The following C11orf65 variants were observed in gnomAD, a reference collection of about 807,000 sequenced individuals.
C11orf65 encodes the protein chromosome 11 open reading frame 65, also known as protein MFI.
In C11orf65, 38 loss-of-function variants were observed where a neutral mutation model predicts 35.3. That is an observed-to-expected ratio of 1.08 (90% CI 0.83 to 1.41). The LOEUF (loss-of-function observed/expected upper bound fraction) is 1.41, where lower values mean the gene tolerates loss of function less well. Ranked by LOEUF, C11orf65 falls within the 40% of genes most tolerant of loss-of-function variation. The pLI is 0.00. For missense variants in C11orf65, 370 were observed against 367.1 expected, an observed-to-expected ratio of 1.01 and a Z score of -0.06; for synonymous variants, 105 against 114.4, an observed-to-expected ratio of 0.92 and a Z score of 0.53.
At chr11:108,445,316 G>T (rs1052220106) in intron 2 of C11orf65, among the ~76,000 whole-genome samples, 2 of 152,144 alleles carry the variant, frequency 1.3e-5, no homozygotes, top group Admixed American at 6.5e-5. Context: ...CCTCAAGTGG[G>T]TCCCTGACCC....
chr11:108,462,991 T>C (rs1050025165), intron 1 of C11orf65, among the ~76,000 whole-genome samples: 18 of 152,104 alleles, frequency 1.2e-4, no homozygotes, highest in Admixed American at 3.9e-4. Context: ...GCTGGGCAGG[T>C]TGGCACATAC....
rs1213878969 is a variant in C11orf65 at position 108,408,704 on chromosome 11, A to AAAAT, written c.175-1559_175-1556dup. On this transcript the variant is annotated intron_variant, in intron 3 of 8. Transcript: ENST00000393084. ...AAAATAAAATAAAATAAAATAAAATAAAATAAAATAAAATAAAATAAAATA... is the reference window on the plus strand; with the variant it reads ...AAAATAAAATAAAATAAAATAAAATAAAATAAATAAAATAAAATAAAATAAAATA... Among the ~76,000 whole-genome samples the AAAAT allele has an allele frequency of 4.8e-3, 626 of 129,410 alleles. 16 individuals carry two copies. The highest frequency in any genetic ancestry group is 0.017 in the African/African-American group (599 of 35,696). The allele number at this position is 129,410 out of a possible 152,430, so 84.9% of individuals were successfully genotyped here.
chr11:108,447,253 A>C (rs948384399), intron 2 of C11orf65, among the ~76,000 whole-genome samples: 2 of 151,852 alleles, frequency 1.3e-5, no homozygotes, highest in Non-Finnish European at 2.9e-5. Context: ...GGATACCCAG[A>C]AATTGAACTC....
rs79429454 is a variant in C11orf65 at position 108,355,214 on chromosome 11, A to C, written c.227-19922T>G. 628 of 292,962 alleles carry C rather than the reference A, an allele frequency of 2.1e-3. 6 individuals carry two copies. Among genetic ancestry groups the C allele is most frequent in the African/African-American group, 0.013 (589 of 46,032 alleles). The allele number at this position is 292,962 out of a possible 1,614,324, so 18.1% of individuals were successfully genotyped here. The stretch of plus-strand genomic sequence containing the variant: ...AGGGTTTAAGAAAAATCAGAAATTT[A>C]TATCTCCTTTTTCCCTGCTCAGGTT... On this transcript the variant is annotated intron_variant, in intron 2 of 3. Transcript: ENST00000524755.
chr11:108,365,960 T>C, intron 2 of C11orf65: 1 of 166,400 alleles, frequency 6.0e-6, no homozygotes, highest in Non-Finnish European at 1.3e-5. Flanking sequence ...ACCTGGGAGG[T>C]GAAGGTTGCT....
chr11:108,329,389 G>C (rs997344419), downstream of C11orf65: 14 of 741,570 alleles, frequency 1.9e-5, no homozygotes, highest in Non-Finnish European at 2.8e-5. Context: ...TGGTCTTTTG[G>C]GTTCTTTTCG....
At chr11:108,390,865 T>C (rs2092143679) in intron 7 of C11orf65, among the ~76,000 whole-genome samples, 1 of 152,214 alleles carries the variant, frequency 6.6e-6, no homozygotes, top group Admixed American at 6.5e-5. Flanking sequence ...AATTTCTTCT[T>C]ATTTAAAAAT....
At chr11:108,431,002 T>C (rs1440557757) in intron 3 of C11orf65, among the ~76,000 whole-genome samples, 1 of 151,006 alleles carries the variant, frequency 6.6e-6, no homozygotes. Flanking sequence ...AAATACAAAT[T>C]ACAAACTGAC....
intron 7 of C11orf65, among the ~76,000 whole-genome samples, chr11:108,392,800 A>T (rs2092197091): frequency 6.6e-6 from 1 of 152,238 alleles, no homozygotes; most frequent in Non-Finnish European, 1.5e-5. Flanking sequence ...AAGAAATCTT[A>T]AAAATGTTTT....
At chr11:108,354,938 G>GT in intron 2 of C11orf65, 6 of 1,329,866 alleles carry the variant, frequency 4.5e-6, no homozygotes, top group Non-Finnish European at 6.5e-6. Flanking sequence ...TATCTCATCA[G>GT]GAAGTCACTG....
rs543688976 is a variant in C11orf65 at position 108,321,853 on chromosome 11, G to T, written c.641-12782C>A. On this transcript the variant is annotated intron_variant, in intron 6 of 6. Coordinates refer to the C11orf65 transcript ENST00000525729. ...CTTTCCTTTTATCAAGATATAAGTT[G>T]ATTAGCCCTAGTGAATTGTGCTTTT... 5.3e-5 allele frequency among the ~76,000 whole-genome samples: 8 copies of T among 151,312 alleles called. No homozygotes were observed. The South Asian group carries it at 1.7e-3, about 32-fold the overall frequency.
At chr11:108,327,397 C>CA, downstream of C11orf65, 1 of 437,502 alleles carries the variant, frequency 2.3e-6, no homozygotes, top group South Asian at 2.2e-5. Flanking sequence ...AAGTGTCTGA[C>CA]ATATATAAGT....
chr11:108,333,746 CAG>C, intron 3 of C11orf65: 1 of 765,664 alleles, frequency 1.3e-6, no homozygotes. Context: ...GGCCAAAGCC[CAG>C]AGTCTTCATT....
In C11orf65 at chr11:108,409,708, G is replaced by A. The variant is rs567904276; in HGVS notation, c.175-2559C>T. Among the ~76,000 whole-genome samples the A allele has an allele frequency of 7.1e-4, 108 of 152,200 alleles. 1 individual carries two copies. Among genetic ancestry groups the A allele is most frequent in the African/African-American group, 2.5e-3 (102 of 41,532 alleles). On this transcript the variant is annotated intron_variant, in intron 3 of 8. Coordinates refer to ENST00000393084, the MANE Select transcript of C11orf65 (RefSeq NM_152587.5). ...TTAAGACTGGGCCACACAGCAGGAGGTGAGCGGCAGGAGCATTACTGCCTG... is the reference window on the plus strand; with the variant it reads ...TTAAGACTGGGCCACACAGCAGGAGATGAGCGGCAGGAGCATTACTGCCTG...
chr11:108,324,582 TG>T (rs1227164854), intron 6 of C11orf65, among the ~76,000 whole-genome samples: 1 of 152,142 alleles, frequency 6.6e-6, no homozygotes, highest in Non-Finnish European at 1.5e-5. Context: ...ATTGAAGTTT[TG>T]GTTCCTAGCA....
chr11:108,392,871 T>C (rs929104792), intron 7 of C11orf65, among the ~76,000 whole-genome samples: 2 of 152,186 alleles, frequency 1.3e-5, no homozygotes, highest in Middle Eastern at 3.2e-3. Context: ...ACAGAAAGGT[T>C]AGGGAATATA....
At chr11:108,333,478 T>C (rs2086500740) in intron 3 of C11orf65, among the ~76,000 whole-genome samples, 1 of 152,216 alleles carries the variant, frequency 6.6e-6, no homozygotes, top group South Asian at 2.1e-4. Context: ...TAAATTCTTA[T>C]TACTTGAAAA....
chr11:108,437,795 T>C (rs1466591868), intron 2 of C11orf65, among the ~76,000 whole-genome samples: 1 of 149,858 alleles, frequency 6.7e-6, no homozygotes, highest in Non-Finnish European at 1.5e-5. Flanking sequence ...AGCCTTAGTA[T>C]TGTTAAGATG....
At chr11:108,433,241 T>TTATATATA (rs572182230) in intron 2 of C11orf65, among the ~76,000 whole-genome samples, 2 of 148,722 alleles carry the variant, frequency 1.3e-5, no homozygotes, top group African/African-American at 4.9e-5. Flanking sequence ...AAAAAAAAAT[T>TTATATATA]TATATATATA....
Sources: allele counts gnomAD v4.1 joint callset (sites outside exome capture counted in the v4.1 genomes callset), GRCh38; gene constraint gnomAD v4.1.1; transcripts MANE v1.5; gene names NCBI Gene and HGNC (gene_info 2026-07-23, HGNC 2026-07-21).